FAM228B: variants seen among roughly 807,000 people sequenced by gnomAD.
FAM228B encodes family with sequence similarity 228 member B.
Under a neutral mutation model 42.6 loss-of-function variants are expected in FAM228B, and 38 were observed. The observed-to-expected ratio is 0.89, with a 90% confidence interval of 0.69 to 1.17. The LOEUF is 1.17. Among genes scored for constraint, FAM228B ranks in the 50% most tolerant of loss-of-function variants. The pLI, the probability that FAM228B is intolerant of heterozygous loss-of-function variation, is 0.00. For missense variants in FAM228B, 344 were observed against 367.3 expected (o/e 0.94, Z 0.52); for synonymous variants, 109 against 122.3 (o/e 0.89, Z 0.72).
chr2:24,137,660 T>C (rs1666622061), intron 3 of FAM228B, among the ~76,000 whole-genome samples: 1 of 152,212 alleles, frequency 6.6e-6, no homozygotes, highest in African/African-American at 2.4e-5. Context: ...GCCTTGCTTT[T>C]GATTTGTTCT....
At chr2:24,126,806 A>G (rs1666319575) in intron 2 of FAM228B, among the ~76,000 whole-genome samples, 1 of 104,700 alleles carries the variant, frequency 9.6e-6, no homozygotes, top group Non-Finnish European at 1.9e-5. Flanking sequence ...TACAAAAAAA[A>G]AGTAGAGAGG....
chr2:24,121,283 G>A (rs1666109745), upstream of FAM228B: 3 of 1,614,048 alleles, frequency 1.9e-6, no homozygotes, highest in Admixed American at 5.0e-5. Flanking sequence ...CCAGTGTTCG[G>A]ACATCACTGG....
At chr2:24,088,833 G>A (rs1475288316) in intron 2 of FAM228B, among the ~76,000 whole-genome samples, 3 of 152,206 alleles carry the variant, frequency 2.0e-5, no homozygotes, top group African/African-American at 7.2e-5. Flanking sequence ...AACCTTGCGG[G>A]ACTGAGCCCT....
In FAM228B at chr2:24,084,390, A is replaced by ACAGGGCAGGGCAGGGCAGGG. The variant is rs3030953; in HGVS notation, c.-210+3449_-210+3450insGCAGGGCAGGGCAGGGCAGG. 82 of 1,159,948 alleles carry ACAGGGCAGGGCAGGGCAGGG rather than the reference A, an allele frequency of 7.1e-5. No homozygotes were observed. The African/African-American group carries it at 9.7e-4, about 14-fold the overall frequency. The allele number at this position is 1,159,948 out of a possible 1,614,324, so 71.9% of individuals were successfully genotyped here. On this transcript the variant is annotated intron_variant, in intron 2 of 10. Transcript: ENST00000613899. This position sits in a 1 kb window ranked among gnomAD's most constrained non-coding sequence, Gnocchi z 8.4. ...ACAGGGCAGGGCAGGGCAGGACAGGACAGGGCAGGGCAGGACAGGACAGGG... is the reference window on the plus strand; with the variant it reads ...ACAGGGCAGGGCAGGGCAGGACAGGACAGGGCAGGGCAGGGCAGGGCAGGGCAGGGCAGGACAGGACAGGG...
At chr2:24,108,399 T>C (rs1361158265) in intron 3 of FAM228B, among the ~76,000 whole-genome samples, 1 of 152,000 alleles carries the variant, frequency 6.6e-6, no homozygotes, top group East Asian at 1.9e-4. Context: ...ACAGAAACTA[T>C]TACAAAAAAT....
At chr2:24,136,163 G>A (rs1666582321) in intron 3 of FAM228B, among the ~76,000 whole-genome samples, 1 of 141,582 alleles carries the variant, frequency 7.1e-6, no homozygotes, top group African/African-American at 2.6e-5. Context: ...CTGGGCTCAA[G>A]TGATTCTCCT....
At chr2:24,104,314 G>T (rs941197789) in intron 3 of FAM228B, among the ~76,000 whole-genome samples, 1 of 152,176 alleles carries the variant, frequency 6.6e-6, no homozygotes. Flanking sequence ...CCACTCAGAC[G>T]TATTATAGGG....
At chr2:24,130,532 GT>G (rs1348823343) in intron 2 of FAM228B, among the ~76,000 whole-genome samples, 2 of 151,972 alleles carry the variant, frequency 1.3e-5, no homozygotes, top group African/African-American at 2.4e-5. Context: ...TCTCATTATG[GT>G]TTTCATTTGC....
rs1667285175 is a variant in FAM228B, at chr2:24,161,511, A to G, written c.692A>G (p.Lys231Arg). Residue 231 changes from lysine to arginine, a missense_variant, in exon 8 of 11, where the codon AAG becomes AGG. Physicochemically the swap from Lys to Arg is conservative, Grantham distance 26. Transcript: ENST00000615575. ...ESEFCRRRRL[K>R]VKVNFNDCSF... ...CACTTGTTATCTTGTTAAAGGTTAA[A>G]GGTGAAAGTGAATTTTAATGACTGT... 2 of 1,514,354 alleles carry G rather than the reference A, an allele frequency of 1.3e-6. No homozygotes were observed. The highest frequency in any genetic ancestry group is 1.8e-6 in the Non-Finnish European group (2 of 1,114,522). The allele number at this position is 1,514,354 out of a possible 1,614,324, so 93.8% of individuals were successfully genotyped here.
chr2:24,157,737 CAA>C (rs11306778), intron 7 of FAM228B, among the ~76,000 whole-genome samples: 99 of 145,598 alleles, frequency 6.8e-4, no homozygotes, highest in African/African-American at 7.4e-4. Context: ...GACTCTGTCT[CAA>C]AAAAAAAAAA....
upstream of FAM228B, among the ~76,000 whole-genome samples, chr2:24,118,652 T>C (rs1197660903): frequency 2.6e-5 from 4 of 152,184 alleles, no homozygotes; most frequent in Non-Finnish European, 5.9e-5. Flanking sequence ...TCTTTAATGA[T>C]GATTAGGAAT....
chr2:24,117,392 C>T (rs1287428689), intron 3 of FAM228B, among the ~76,000 whole-genome samples: 1 of 151,836 alleles, frequency 6.6e-6, no homozygotes, highest in African/African-American at 2.4e-5. Context: ...AATATTCATG[C>T]CCCTAGAATC....
Position 24,080,498 on chromosome 2 carries a change from G to C in FAM228B, c.-289-378G>C, listed in dbSNP as rs1306632547. Among the ~76,000 whole-genome samples, 3 of 152,228 alleles carry C rather than the reference G, an allele frequency of 2.0e-5. No individual in the cohort carries two copies. The highest frequency in any genetic ancestry group is 7.2e-5 in the African/African-American group (3 of 41,460). On this transcript the variant is annotated intron_variant, in intron 1 of 10. Transcript: ENST00000613899. This position sits in a 1 kb window ranked among gnomAD's most constrained non-coding sequence, Gnocchi z 4.7. Reference sequence around the variant, plus strand: ...CATGGCTGGCTCCAAACTGGTCTCTGCCTCCAAGCCTCCTGTTAACTAAGT... The same window carrying C: ...CATGGCTGGCTCCAAACTGGTCTCTCCCTCCAAGCCTCCTGTTAACTAAGT...
At position 24,146,968 on chromosome 2, in the gene FAM228B, A is replaced by G; in HGVS notation, c.568A>G (p.Lys190Glu). ...AATAAAGGAATTCAAAGAAGTTGAG[A>G]AGGTTCAGCTGCATTCCAGATTCCC... ...YSIKEFKEVE[K>E]VQLHSRFPQI... The change falls in exon 7 of 11, where the codon AAG (lysine) becomes GAG (glutamate). Residue 190 changes from lysine (K) to glutamate (E), a missense_variant. Lys to Glu is a moderately conservative substitution (Grantham distance 56, BLOSUM62 1). Coordinates refer to ENST00000615575, the MANE Select transcript of FAM228B (RefSeq NM_001145710.2). 6.4e-7 allele frequency: 1 copy of G among 1,551,440 alleles called. No individual in the cohort carries two copies. Among genetic ancestry groups the G allele is most frequent in the Non-Finnish European group, 8.7e-7 (1 of 1,146,830 alleles).
intron 7 of FAM228B, among the ~76,000 whole-genome samples, chr2:24,155,121 G>C (rs1242175651): frequency 2.0e-5 from 3 of 152,050 alleles, no homozygotes; most frequent in Non-Finnish European, 4.4e-5. Flanking sequence ...ATGATATTTA[G>C]AATATTGATT....
At chr2:24,146,613 G>T in intron 5 of FAM228B, 135 bp from the exon 6 acceptor site, 1 of 565,812 alleles carries the variant, frequency 1.8e-6, no homozygotes, top group Non-Finnish European at 3.1e-6. Context: ...ATAATGGTAA[G>T]CCTGCTATTT....
chr2:24,144,102 G>T (rs529027559), intron 5 of FAM228B, among the ~76,000 whole-genome samples: 1 of 152,000 alleles, frequency 6.6e-6, no homozygotes, highest in Non-Finnish European at 1.5e-5. Context: ...ACTTATAATT[G>T]TCGATAAAAC....
chr2:24,154,374 G>A (rs577131285), intron 7 of FAM228B, among the ~76,000 whole-genome samples: 9 of 152,276 alleles, frequency 5.9e-5, no homozygotes, highest in South Asian at 2.1e-4. Context: ...TTGGTGAGGT[G>A]TCTGTTGTTC....
chr2:24,099,047 A>G (rs949236082), intron 3 of FAM228B, among the ~76,000 whole-genome samples: 4 of 152,228 alleles, frequency 2.6e-5, no homozygotes, highest in Non-Finnish European at 4.4e-5. Context: ...GATTATCTCA[A>G]TAGATGCAGG....
Sources: gnomAD v4.1 joint callset for allele counts (sites outside exome capture counted in the v4.1 genomes callset) on GRCh38, gnomAD v4.1.1 for gene constraint, Gnocchi (gnomAD v3.1) non-coding constraint, MANE v1.5 for transcripts, NCBI Gene and HGNC (gene_info 2026-07-23, HGNC 2026-07-21) for gene names.